Variants in PRIM2 observed in about 807,000 individuals in gnomAD.
The protein encoded by PRIM2 is DNA primase subunit 2.
Under a neutral mutation model 67.3 loss-of-function variants are expected in PRIM2, and 39 were observed. The ratio of observed to expected loss-of-function variants is 0.58; its 90% CI spans 0.45 to 0.76. PRIM2 has a LOEUF of 0.76. Among genes scored for constraint, PRIM2 ranks in the 30% least tolerant of loss-of-function variants. The pLI, the probability that PRIM2 is intolerant of heterozygous loss-of-function variation, is 0.00. For synonymous variants in PRIM2, 143 were observed against 198.7 expected (o/e 0.72, Z 2.36); for missense variants, 398 against 598.7 (o/e 0.66, Z 3.50).
chr6:57,305,298 T>G, the PRIM2 span, among the ~76,000 whole-genome samples: 1 of 152,188 alleles, frequency 6.6e-6, no homozygotes, highest in East Asian at 1.9e-4. Context: ...GATTACATCA[T>G]AAAGTGTATG....
At chr6:57,417,797 G>A (rs370878141) in intron 7 of PRIM2, among the ~76,000 whole-genome samples, 1 of 152,198 alleles carries the variant, frequency 6.6e-6, no homozygotes, top group Non-Finnish European at 1.5e-5. Flanking sequence ...GAAAAATGCA[G>A]CCCATTGTCT....
chr6:57,391,029 C>T (rs1433203855), intron 7 of PRIM2, among the ~76,000 whole-genome samples: 9 of 151,814 alleles, frequency 5.9e-5, no homozygotes, highest in Admixed American at 1.3e-4. Flanking sequence ...CCCTCCTCTT[C>T]GCAACTTCAT....
At chr6:57,470,503 C>T (rs1357258220) in intron 7 of PRIM2, among the ~76,000 whole-genome samples, 1 of 142,792 alleles carries the variant, frequency 7.0e-6, no homozygotes, top group Non-Finnish European at 1.5e-5. Flanking sequence ...TTTAGGCAGT[C>T]GTAGCTTCTC....
chr6:57,550,255 T>G lies in PRIM2; in HGVS notation c.1020+12630T>G, dbSNP rs1221869623. Among the ~76,000 whole-genome samples, 17 of 152,232 alleles carry G rather than the reference T, an allele frequency of 1.1e-4. No individual in the cohort carries two copies. The East Asian group carries it at 2.9e-3, about 26-fold the overall frequency. On this transcript the variant is annotated intron_variant, in intron 10 of 13. Transcript: ENST00000615550. The stretch of plus-strand genomic sequence containing the variant: ...TTTGTTATATTCTCTCTTATAAATA[T>G]TTTGGTGTATAATAAAGATATGTGT...
At chr6:57,638,576 CAAAAAAAAAAA>C (rs1227220865) in intron 13 of PRIM2, among the ~76,000 whole-genome samples, 28 of 32,032 alleles carry the variant, frequency 8.7e-4, no homozygotes, top group African/African-American at 3.6e-3. Context: ...AAACAGAAAG[CAAAAAAAAAAA>C]AAAAAAAAAA....
intron 5 of PRIM2, among the ~76,000 whole-genome samples, chr6:57,340,438 A>G (rs1283721470): frequency 2.6e-5 from 4 of 152,190 alleles, no homozygotes; most frequent in South Asian, 2.1e-4. Context: ...TCACAATAGC[A>G]AAGACTTGGA....
intron 2 of PRIM2, among the ~76,000 whole-genome samples, chr6:57,320,089 A>G (rs1190996411): frequency 1.3e-5 from 2 of 152,202 alleles, no homozygotes; most frequent in African/African-American, 4.8e-5. Flanking sequence ...TATGCCAAGT[A>G]AATGATGCCT....
chr6:57,559,514 C>G (rs1205037880), intron 10 of PRIM2, among the ~76,000 whole-genome samples: 1 of 152,200 alleles, frequency 6.6e-6, no homozygotes, highest in Middle Eastern at 3.2e-3. Context: ...CATCTTTCCT[C>G]ATTTTCAGCA....
At chr6:57,270,614 T>A in the PRIM2 span, among the ~76,000 whole-genome samples, 1 of 152,184 alleles carries the variant, frequency 6.6e-6, no homozygotes, top group Non-Finnish European at 1.5e-5. Context: ...TTGAATGCCC[T>A]TTATTTCCTT....
the PRIM2 span, among the ~76,000 whole-genome samples, chr6:57,237,174 A>C: frequency 1.3e-5 from 2 of 151,828 alleles, no homozygotes; most frequent in Non-Finnish European, 2.9e-5. Flanking sequence ...AGTGATGATG[A>C]GCATTTTCTC....
At chr6:57,486,706 C>T (rs1206108484) in intron 7 of PRIM2, among the ~76,000 whole-genome samples, 15 of 152,308 alleles carry the variant, frequency 9.8e-5, no homozygotes, top group African/African-American at 3.4e-4. Context: ...TCGCATTAAA[C>T]GACAAACCTA....
intron 12 of PRIM2, among the ~76,000 whole-genome samples, chr6:57,624,719 G>A (rs1776917062): frequency 6.6e-6 from 1 of 152,164 alleles, no homozygotes; most frequent in Admixed American, 6.5e-5. Context: ...AAGACATTGG[G>A]AATATAATGA....
chr6:57,581,990 A>G (rs1333159938), intron 10 of PRIM2, among the ~76,000 whole-genome samples: 2 of 152,170 alleles, frequency 1.3e-5, no homozygotes, highest in Non-Finnish European at 2.9e-5. Flanking sequence ...ATGGGGCAAC[A>G]TGCCTAGCTA....
intron 5 of PRIM2, among the ~76,000 whole-genome samples, chr6:57,340,538 G>T (rs558012180): frequency 0.017 from 2,586 of 152,238 alleles, 69 homozygotes; most frequent in African/African-American, 0.06. Context: ...AAAAAATGAT[G>T]AGTTCATGTC....
chr6:57,332,803 CTTCTT>C (rs1768097139), intron 5 of PRIM2, among the ~76,000 whole-genome samples: 1 of 134,320 alleles, frequency 7.4e-6, no homozygotes, highest in African/African-American at 2.5e-5. Flanking sequence ...GTTGGATCAT[CTTCTT>C]TTCTTTTTTA....
chr6:57,400,225 T>C (rs1770661116), intron 7 of PRIM2, among the ~76,000 whole-genome samples: 1 of 152,276 alleles, frequency 6.6e-6, no homozygotes, highest in Non-Finnish European at 1.5e-5. Flanking sequence ...AGTGTCTTTT[T>C]GTATTAGCTG....
the PRIM2 span, among the ~76,000 whole-genome samples, chr6:57,223,373 C>T: frequency 6.6e-6 from 1 of 152,222 alleles, no homozygotes; most frequent in Admixed American, 6.5e-5. Context: ...GTGAGGTTCT[C>T]TCCGTTGATT....
intron 1 of PRIM2, 82 bp from the exon 2 acceptor site, chr6:57,318,355 A>T: frequency 7.5e-7 from 1 of 1,341,590 alleles, no homozygotes; most frequent in Non-Finnish European, 1.0e-6. Context: ...GTGTTTGTGG[A>T]ATTATTTTTT....
At chr6:57,247,148 G>A in the PRIM2 span, among the ~76,000 whole-genome samples, 2 of 152,130 alleles carry the variant, frequency 1.3e-5, no homozygotes, top group African/African-American at 2.4e-5. Flanking sequence ...GCCACACCGC[G>A]CCCGGCCTGG....
Sources: gnomAD v4.1 joint callset for allele counts (sites outside exome capture counted in the v4.1 genomes callset) on GRCh38, gnomAD v4.1.1 for gene constraint, MANE v1.5 for transcripts, NCBI Gene and HGNC (gene_info 2026-07-23, HGNC 2026-07-21) for gene names.